Variants in KITLG observed in about 807,000 individuals in gnomAD.
The protein encoded by KITLG is KIT ligand.
KITLG carries 13 observed loss-of-function variants against 34.1 expected under a neutral mutation model. The observed-to-expected ratio is 0.38, with a 90% confidence interval of 0.25 to 0.61. The LOEUF (loss-of-function observed/expected upper bound fraction) is 0.61, where lower values mean the gene tolerates loss of function less well. KITLG is among the 20% of genes least tolerant of loss of function. The probability of loss-of-function intolerance (pLI) is 0.60; values close to 1 mark genes in which losing one functional copy is unlikely to be tolerated. For missense variants in KITLG, 292 were observed against 318.9 expected (o/e 0.92, Z 0.64); for synonymous variants, 110 against 104.0 (o/e 1.06, Z -0.35).
intron 3 of KITLG, among the ~76,000 whole-genome samples, chr12:88,530,804 T>C (rs1303389698): frequency 6.6e-6 from 1 of 152,186 alleles, no homozygotes; most frequent in Non-Finnish European, 1.5e-5. Context: ...TAGTTCATGC[T>C]AAAATGCTTA....
chr12:88,505,152 A>C lies in KITLG; in HGVS notation c.*37+7T>G. The C allele has an allele frequency of 2.1e-6, 3 of 1,458,244 alleles. No individual in the cohort carries two copies. The highest frequency in any genetic ancestry group is 2.9e-6 in the Non-Finnish European group (3 of 1,045,146). 90.3% of individuals were successfully genotyped at this position (1,458,244 alleles called of 1,614,324 possible). ...AGAAAAAAAAAGGAAAGAAGAAAAA[A>C]ACTTACCAATGTACGAAAGTAACAG... is the stretch of plus-strand genomic sequence containing the variant. On this transcript the variant is annotated splice_region_variant and intron_variant, in intron 9 of 9. Transcript: ENST00000644744.
intron 4 of KITLG, 44 bp from the exon 5 acceptor site, chr12:88,516,534 C>T (rs1213018014): frequency 1.5e-6 from 2 of 1,325,116 alleles, no homozygotes; most frequent in Non-Finnish European, 2.1e-6. Flanking sequence ...AGTCTTCAGA[C>T]TTAACTGAGG....
chr12:88,511,665 T>A (rs1355715972), intron 6 of KITLG, among the ~76,000 whole-genome samples: 6 of 152,064 alleles, frequency 3.9e-5, no homozygotes, highest in African/African-American at 9.6e-5. Flanking sequence ...AAAATAAAAT[T>A]ATAATAAAAA....
In KITLG at chr12:88,493,293, G is replaced by A. The variant is rs1471899552; in HGVS notation, c.*3926C>T. On this transcript the variant is annotated 3_prime_UTR_variant, in exon 10 of 10. Coordinates refer to ENST00000644744, the MANE Select transcript of KITLG (RefSeq NM_000899.5). ...CATCATAAGGATGTAGTTGGAGATG[G>A]CAGTTATAAATAAATTTACAATGCT... The A allele has an allele frequency of 1.3e-5, 2 of 152,118 alleles. No homozygotes were observed. The highest frequency in any genetic ancestry group is 2.9e-5 in the Non-Finnish European group (2 of 67,800). 9.4% of individuals were successfully genotyped at this position (152,118 alleles called of 1,614,324 possible).
intron 3 of KITLG, among the ~76,000 whole-genome samples, chr12:88,529,884 A>T (rs1033852234): frequency 6.6e-6 from 1 of 152,188 alleles, no homozygotes. Flanking sequence ...GGCCAAGAAG[A>T]ACAGTGTTTC....
chr12:88,535,798 G>A (rs1870294465), intron 2 of KITLG, among the ~76,000 whole-genome samples: 1 of 152,140 alleles, frequency 6.6e-6, no homozygotes, highest in Middle Eastern at 3.4e-3. Context: ...TACACAATAG[G>A]GAAAGGACTC....
At chr12:88,519,314 GTT>G (rs781310519) in intron 3 of KITLG, among the ~76,000 whole-genome samples, 46 of 152,120 alleles carry the variant, frequency 3.0e-4, no homozygotes, top group Non-Finnish European at 5.9e-4. Context: ...GAGGTTGTAA[GTT>G]TGCATGCTTT....
intron 5 of KITLG, 133 bp downstream of exon 5, chr12:88,516,201 T>G: frequency 1.3e-6 from 1 of 770,850 alleles, no homozygotes; most frequent in Non-Finnish European, 2.2e-6. Flanking sequence ...TTCTGTGCTA[T>G]TGATATCTGC....
intron 9 of KITLG, among the ~76,000 whole-genome samples, chr12:88,504,537 G>A (rs1868977725): frequency 6.6e-6 from 1 of 152,164 alleles, no homozygotes; most frequent in African/African-American, 2.4e-5. Flanking sequence ...GGCCATCAGA[G>A]AAATGCAAAT....
At chr12:88,508,191 A>G (rs1869141964) in intron 6 of KITLG, among the ~76,000 whole-genome samples, 1 of 152,098 alleles carries the variant, frequency 6.6e-6, no homozygotes, top group South Asian at 2.1e-4. Context: ...TGTCTTTAAA[A>G]AAAAAAAAGG....
rs2120808450 is a variant in KITLG at position 88,507,013 on chromosome 12, A to T, written c.714+15T>A. 2 of 1,329,822 alleles carry T rather than the reference A, an allele frequency of 1.5e-6. No individual in the cohort carries two copies. Among genetic ancestry groups the T allele is most frequent in the East Asian group, 4.6e-5 (2 of 43,548 alleles). 82.4% of individuals were successfully genotyped at this position (1,329,822 alleles called of 1,614,324 possible). A position where few individuals can be genotyped will look rare whatever the true frequency, so the allele number is the denominator to read the frequency against. On this transcript the variant is annotated intron_variant, in intron 7 of 9. Transcript: ENST00000644744. ...AACATAGCATATTTTTAAAAAAAGG[A>T]ATGGTACCACTTACCTTCCAGTATA...
rs1025833006 is a variant in KITLG, at chr12:88,535,408, C to T, written c.130-2905G>A. 4.6e-5 allele frequency among the ~76,000 whole-genome samples: 7 copies of T among 152,168 alleles called. No individual in the cohort carries two copies. The South Asian group carries it at 1.5e-3, about 32-fold the overall frequency. ...TTTCATATACAGTCTCTACCACAAC[C>T]CCATGAGAGATTATATTAAGCTTAT... On this transcript the variant is annotated intron_variant, in intron 2 of 9. Transcript: ENST00000644744.
At chr12:88,525,058 G>C (rs1304957534) in intron 3 of KITLG, among the ~76,000 whole-genome samples, 1 of 152,174 alleles carries the variant, frequency 6.6e-6, no homozygotes, top group African/African-American at 2.4e-5. Flanking sequence ...TTGATCATTA[G>C]AAACTGATAA....
chr12:88,521,115 GA>G (rs1869641438), intron 3 of KITLG, among the ~76,000 whole-genome samples: 4 of 152,034 alleles, frequency 2.6e-5, no homozygotes, highest in Admixed American at 2.6e-4. Context: ...TGTTTCTTTG[GA>G]AAAGGCTGAA....
intron 2 of KITLG, among the ~76,000 whole-genome samples, chr12:88,537,352 C>A (rs1184317134): frequency 6.6e-6 from 1 of 151,984 alleles, no homozygotes; most frequent in African/African-American, 2.4e-5. Flanking sequence ...TGGAGGCCAT[C>A]ATTGTCAGTG....
At chr12:88,579,719 T>C (rs1002604361) in intron 1 of KITLG, among the ~76,000 whole-genome samples, 1 of 150,958 alleles carries the variant, frequency 6.6e-6, no homozygotes, top group Non-Finnish European at 1.5e-5. Flanking sequence ...GGCGGGCAGG[T>C]TCCCGCCCCG....
chr12:88,499,063 GA>G (rs1341479801), intron 9 of KITLG, among the ~76,000 whole-genome samples: 1 of 152,012 alleles, frequency 6.6e-6, no homozygotes, highest in Non-Finnish European at 1.5e-5. Flanking sequence ...GAACCCTTGT[GA>G]AATAAGAAGA....
At position 88,505,247 on chromosome 12, in the gene KITLG, T is replaced by C. The variant is rs1299934155; in HGVS notation, c.783-12A>G. 1 of 1,603,584 alleles carries C rather than the reference T, an allele frequency of 6.2e-7. No homozygotes were observed. Among genetic ancestry groups the C allele is most frequent in the Non-Finnish European group, 8.5e-7 (1 of 1,170,768 alleles). On this transcript the variant is annotated splice_polypyrimidine_tract_variant and intron_variant, in intron 8 of 9. Transcript: ENST00000644744. ...TCTCTTGCAACATACTGAAAAACAA[T>C]AAGAAAAAATGCTTATTTGCTCTTG... is the stretch of plus-strand genomic sequence containing the variant.
intron 9 of KITLG, among the ~76,000 whole-genome samples, chr12:88,500,377 G>A (rs1333026073): frequency 1.3e-5 from 2 of 152,132 alleles, no homozygotes; most frequent in African/African-American, 2.4e-5. Context: ...GCAGAGGCCT[G>A]GACTTTGATC....
Sources: gnomAD v4.1 joint callset for allele counts (sites outside exome capture counted in the v4.1 genomes callset) on GRCh38, gnomAD v4.1.1 for gene constraint, MANE v1.5 for transcripts, NCBI Gene and HGNC (gene_info 2026-07-23, HGNC 2026-07-21) for gene names.